The following LAPTM4B variants were observed in gnomAD, a reference collection of about 807,000 sequenced individuals.
LAPTM4B encodes the protein lysosomal protein transmembrane 4 beta, also known as lysosomal-associated transmembrane protein 4B.
Under a neutral mutation model 28.5 loss-of-function variants are expected in LAPTM4B, and 26 were observed. That is an observed-to-expected ratio of 0.91 (90% CI 0.67 to 1.27). LAPTM4B has a LOEUF of 1.27. Ranked by LOEUF, LAPTM4B falls within the 50% of genes most tolerant of loss-of-function variation. LAPTM4B has a pLI of 0.00. For synonymous variants in LAPTM4B, 109 were observed against 106.4 expected (o/e 1.02, Z -0.15); for missense variants, 288 against 285.8 (o/e 1.01, Z -0.06).
chr8:97,792,318 C>T (rs1816512049), intron 1 of LAPTM4B, among the ~76,000 whole-genome samples: 2 of 152,088 alleles, frequency 1.3e-5, no homozygotes, highest in Admixed American at 6.6e-5. Flanking sequence ...TGCAGTGGCA[C>T]CATCTCCACT....
At chr8:97,823,626 C>G (rs1189238224) in intron 5 of LAPTM4B, among the ~76,000 whole-genome samples, 2 of 151,554 alleles carry the variant, frequency 1.3e-5, no homozygotes, top group African/African-American at 2.4e-5. Flanking sequence ...CCACCCACCT[C>G]GGCCTCCCAA....
chr8:97,804,815 G>T (rs915624071), intron 1 of LAPTM4B, among the ~76,000 whole-genome samples: 13 of 152,284 alleles, frequency 8.5e-5, no homozygotes, highest in African/African-American at 2.9e-4. Flanking sequence ...GGCCTGGCCT[G>T]GCCTGGAAAG....
At chr8:97,784,122 T>A (rs1244708188) in intron 1 of LAPTM4B, among the ~76,000 whole-genome samples, 1 of 152,162 alleles carries the variant, frequency 6.6e-6, no homozygotes, top group Admixed American at 6.5e-5. Flanking sequence ...CGGTGGGCAT[T>A]CACATTTGTT....
At chr8:97,816,822 C>T (rs1326841987) in intron 4 of LAPTM4B, among the ~76,000 whole-genome samples, 3 of 152,128 alleles carry the variant, frequency 2.0e-5, no homozygotes, top group African/African-American at 7.2e-5. Flanking sequence ...CGCCTGTGAC[C>T]CTAGCCACTC....
intron 6 of LAPTM4B, among the ~76,000 whole-genome samples, chr8:97,831,676 G>A (rs1222520029): frequency 1.3e-5 from 2 of 152,182 alleles, no homozygotes; most frequent in East Asian, 3.8e-4. Flanking sequence ...GAGTTGGAAA[G>A]GACTGGTAGA....
intron 5 of LAPTM4B, among the ~76,000 whole-genome samples, chr8:97,822,375 G>A (rs1465425039): frequency 6.6e-6 from 1 of 151,832 alleles, no homozygotes; most frequent in Non-Finnish European, 1.5e-5. Context: ...AGCTAACTCT[G>A]CCATTACCAG....
chr8:97,795,191 C>T (rs764720497), intron 1 of LAPTM4B, among the ~76,000 whole-genome samples: 5 of 152,194 alleles, frequency 3.3e-5, no homozygotes, highest in Non-Finnish European at 7.3e-5. Context: ...CCGCAACCTC[C>T]TGAGCTTAGG....
At chr8:97,842,155 A>G (rs72673465) in intron 6 of LAPTM4B, among the ~76,000 whole-genome samples, 19,157 of 152,260 alleles carry the variant, frequency 0.13, 1,404 homozygotes, top group East Asian at 0.19. Flanking sequence ...GAATGTGGCT[A>G]AGTCCCGATA....
intron 6 of LAPTM4B, among the ~76,000 whole-genome samples, chr8:97,837,035 G>A (rs1166943242): frequency 6.6e-6 from 1 of 152,004 alleles, no homozygotes; most frequent in Admixed American, 6.6e-5. Flanking sequence ...AATTCTCTTT[G>A]AAGCACCTGA....
At chr8:97,796,150 A>G (rs1816579209) in intron 1 of LAPTM4B, among the ~76,000 whole-genome samples, 1 of 152,226 alleles carries the variant, frequency 6.6e-6, no homozygotes, top group South Asian at 2.1e-4. Context: ...CGTGTTGGCC[A>G]GGCTGGTCTC....
intron 1 of LAPTM4B, among the ~76,000 whole-genome samples, chr8:97,792,083 T>C (rs1461745260): frequency 6.6e-6 from 1 of 152,116 alleles, no homozygotes; most frequent in Non-Finnish European, 1.5e-5. Context: ...ACAACATCCA[T>C]TTTACTCCTT....
chr8:97,821,472 C>T (rs1250674648), intron 5 of LAPTM4B, among the ~76,000 whole-genome samples: 1 of 151,942 alleles, frequency 6.6e-6, no homozygotes, highest in Non-Finnish European at 1.5e-5. Context: ...GCTGCGAAGG[C>T]CCTGAGCTCT....
intron 1 of LAPTM4B, among the ~76,000 whole-genome samples, chr8:97,784,147 A>G (rs1816367096): frequency 6.6e-6 from 1 of 152,176 alleles, no homozygotes; most frequent in Non-Finnish European, 1.5e-5. Flanking sequence ...TTTAGACCTC[A>G]AAGCAACCCT....
At chr8:97,791,802 A>G (rs543623434) in intron 1 of LAPTM4B, among the ~76,000 whole-genome samples, 2 of 152,330 alleles carry the variant, frequency 1.3e-5, no homozygotes, top group Admixed American at 1.3e-4. Flanking sequence ...TGGTATGTGC[A>G]TATTTCCCTG....
At chr8:97,817,245 T>A (rs1816932830) in intron 4 of LAPTM4B, among the ~76,000 whole-genome samples, 1 of 151,474 alleles carries the variant, frequency 6.6e-6, no homozygotes, top group Non-Finnish European at 1.5e-5. Flanking sequence ...GATCCTCCCA[T>A]CTCAACCTCT....
intron 4 of LAPTM4B, among the ~76,000 whole-genome samples, chr8:97,817,265 G>T (rs4236845): frequency 0.45 from 68,341 of 151,294 alleles, 15,888 homozygotes; most frequent in East Asian, 0.58. Context: ...TTGAGTAGCT[G>T]GCACTATAGG....
At chr8:97,838,903 CA>C (rs896191098) in intron 6 of LAPTM4B, among the ~76,000 whole-genome samples, 1 of 152,196 alleles carries the variant, frequency 6.6e-6, no homozygotes, top group Non-Finnish European at 1.5e-5. Flanking sequence ...GTAAATTTTG[CA>C]TACCAGGGCA....
chr8:97,784,869 A>G (rs1046895153), intron 1 of LAPTM4B, among the ~76,000 whole-genome samples: 10 of 152,182 alleles, frequency 6.6e-5, no homozygotes, highest in African/African-American at 2.4e-4. Context: ...TATGAATAAG[A>G]TGGATAGGAA....
chr8:97,782,106 T>C (rs972933254), intron 1 of LAPTM4B, among the ~76,000 whole-genome samples: 1 of 150,014 alleles, frequency 6.7e-6, no homozygotes, highest in South Asian at 2.1e-4. Context: ...TCAGCCTCCC[T>C]AGTAGCTGGG....
Sources: gnomAD v4.1 joint callset for allele counts (sites outside exome capture counted in the v4.1 genomes callset) on GRCh38, gnomAD v4.1.1 for gene constraint, MANE v1.5 for transcripts, NCBI Gene and HGNC (gene_info 2026-07-23, HGNC 2026-07-21) for gene names.